LTK: variants seen among roughly 807,000 people sequenced by gnomAD.
LTK encodes the protein leukocyte tyrosine kinase receptor.
A neutral mutation model predicts 101.5 loss-of-function variants in LTK; 117 were observed. The ratio of observed to expected loss-of-function variants is 1.15; its 90% confidence interval spans 0.99 to 1.34. LTK has a LOEUF of 1.34. Ranked by LOEUF, LTK falls within the 40% of genes most tolerant of loss-of-function variation. The probability of loss-of-function intolerance (pLI) is 0.00; values close to 1 mark genes in which losing one functional copy is unlikely to be tolerated. For synonymous variants in LTK, 563 were observed against 494.2 expected (o/e 1.14, Z -1.85); for missense variants, 1,252 against 1,164.7 (o/e 1.07, Z -1.09).
intron 10 of LTK, 58 bp downstream of exon 10, chr15:41,507,504 C>T (rs777905986): frequency 1.6e-5 from 25 of 1,591,814 alleles, no homozygotes; most frequent in Admixed American, 1.4e-4. Flanking sequence ...AGAAACCCAT[C>T]CCAGCTCACT....
rs755053983 is a variant in LTK, at chr15:41,511,495, C to T, written c.741G>A (p.Arg247=). ...CCAGTTTCTCGGGGGAGGCCTGAGT[C>T]CGGCCTCGGTCCCGCGGCCTCAGGT... ...RAYLRPRDRG[R]TQASPEKLEN... The change falls in exon 6 of 20, where the codon CGG becomes CGA. Residue 247 remains arginine (R), a synonymous_variant. Coordinates refer to ENST00000263800, the MANE Select transcript of LTK (RefSeq NM_002344.6). The surrounding 1 kb of genome is among the most constrained non-coding windows in gnomAD (Gnocchi z 5.9). The T allele has an allele frequency of 1.4e-6, 2 of 1,477,110 alleles. No homozygotes were observed. The highest frequency in any genetic ancestry group is 1.8e-6 in the Non-Finnish European group (2 of 1,123,826). 91.5% of individuals were successfully genotyped at this position (1,477,110 alleles called of 1,614,324 possible).
chr15:41,506,145 C>T, intron 11 of LTK, 140 bp from the exon 12 acceptor site: 1 of 602,414 alleles, frequency 1.7e-6, no homozygotes, highest in Non-Finnish European at 3.0e-6. Context: ...CATGGCATGT[C>T]CCCAGGTAGA....
chr15:41,507,794 A>T lies in LTK; in HGVS notation c.1250-137T>A, dbSNP rs545988045. 3 of 944,494 alleles carry T rather than the reference A, an allele frequency of 3.2e-6. No individual in the cohort carries two copies. The East Asian group carries it at 7.9e-5, about 25-fold the overall frequency. 58.5% of individuals were successfully genotyped at this position (944,494 alleles called of 1,614,324 possible). A position where few individuals can be genotyped will look rare whatever the true frequency, so the allele number is the denominator to read the frequency against. On this transcript the variant is annotated intron_variant, in intron 9 of 19. Coordinates refer to ENST00000263800, the MANE Select transcript of LTK (RefSeq NM_002344.6). Reference sequence around the variant, plus strand: ...TCCCCCATTATCCTGGGCAAAAGCAACCTCTCCCTCTTGAACACCCCTAAA... The same window carrying T: ...TCCCCCATTATCCTGGGCAAAAGCATCCTCTCCCTCTTGAACACCCCTAAA...
At position 41,509,206 on chromosome 15, in the gene LTK, T is replaced by C; in HGVS notation, c.998-77A>G. On this transcript the variant is annotated intron_variant, in intron 7 of 19. Coordinates refer to ENST00000263800, the MANE Select transcript of LTK (RefSeq NM_002344.6). Reference sequence around the variant, plus strand: ...AGAAGCTGGAATCTCCCGGTGGAAATCCCAGTGTGGCCCTCTCTTCTCCAG... The same window carrying C: ...AGAAGCTGGAATCTCCCGGTGGAAACCCCAGTGTGGCCCTCTCTTCTCCAG... The C allele has an allele frequency of 1.1e-5, 10 of 879,112 alleles. No homozygotes were observed. In the South Asian group the frequency reaches 1.3e-4, roughly 12 times the overall value. 54.5% of individuals were successfully genotyped at this position (879,112 alleles called of 1,614,324 possible). A position where few individuals can be genotyped will look rare whatever the true frequency, so the allele number is the denominator to read the frequency against.
intron 19 of LTK, 22 bp from the exon 20 acceptor site, chr15:41,504,266 G>GC: frequency 7.5e-6 from 12 of 1,607,946 alleles, no homozygotes; most frequent in Non-Finnish European, 1.0e-5. Context: ...GAGTCAGGGA[G>GC]CAGGGGGGCA....
Position 41,506,677 on chromosome 15 carries a change from G to A in LTK, c.1541+418C>T, listed in dbSNP as rs747352833. Among the ~76,000 whole-genome samples the A allele has an allele frequency of 3.3e-5, 5 of 151,956 alleles. 1 individual carries two copies. Among genetic ancestry groups the A allele is most frequent in the South Asian group, 4.2e-4 (2 of 4,818 alleles). ...GCAATCTCGGCTCACCACAACCTCC[G>A]CCTCCCAGGTTCAAGTGATTCTTCT... On this transcript the variant is annotated intron_variant, in intron 11 of 19. Coordinates refer to ENST00000263800, the MANE Select transcript of LTK (RefSeq NM_002344.6).
chr15:41,513,654 A>G lies in LTK; in HGVS notation c.43+13T>C. On this transcript the variant is annotated intron_variant, in intron 1 of 19. Transcript: ENST00000263800. ...CAGGCTGGACGGTCCCCTGACCGCC[A>G]GATAGCACTTACCCGCGGCTCCGAA... 1.9e-6 allele frequency: 3 copies of G among 1,613,028 alleles called. No homozygotes were observed. The highest frequency in any genetic ancestry group is 2.5e-6 in the Non-Finnish European group (3 of 1,179,660).
In LTK at chr15:41,504,743, TGGGGAAGGGGA is replaced by T. The variant is rs201729483; in HGVS notation, c.2120+19_2120+29del. The T allele has an allele frequency of 8.1e-4, 1,279 of 1,586,950 alleles. 21 individuals carry two copies. In the South Asian group the frequency reaches 0.013, roughly 17 times the overall value. On this transcript the variant is annotated intron_variant, in intron 17 of 19. Transcript: ENST00000263800. ...GATTAGCCTCAGGGGAGGGGAACAG[TGGGGAAGGGGA>T]GGGGAAGGGTGTTATCACCAGGAAT...
rs1180906348 is a variant in LTK, at chr15:41,511,494, TCCGG to T, written c.738_741del (p.Arg247LeufsTer126). ...TCCAGTTTCTCGGGGGAGGCCTGAGTCCGGCCTCGGTCCCGCGGCCTCAGGTAGG... is the reference window on the plus strand; with the variant it reads ...TCCAGTTTCTCGGGGGAGGCCTGAGTCCTCGGTCCCGCGGCCTCAGGTAGG... On this transcript the variant is annotated frameshift_variant, in exon 6 of 20. Transcript: ENST00000263800. LOFTEE classifies it high-confidence loss of function. This position sits in a 1 kb window ranked among gnomAD's most constrained non-coding sequence, Gnocchi z 5.9. The T allele has an allele frequency of 6.8e-7, 1 of 1,473,494 alleles. No homozygotes were observed. Among genetic ancestry groups the T allele is most frequent in the East Asian group, 2.8e-5 (1 of 35,544 alleles). The allele number at this position is 1,473,494 out of a possible 1,614,324, so 91.3% of individuals were successfully genotyped here. A position where few individuals can be genotyped will look rare whatever the true frequency, so the allele number is the denominator to read the frequency against.
chr15:41,506,071 AC>A, intron 11 of LTK, 66 bp from the exon 12 acceptor site: 1 of 993,752 alleles, frequency 1.0e-6, no homozygotes, highest in South Asian at 1.4e-5. Context: ...AGAGTCTAGT[AC>A]CCCCTTTACC....
Position 41,504,418 on chromosome 15 carries a change from G to T in LTK, c.2270C>A (p.Thr757Asn). 6.2e-7 allele frequency: 1 copy of T among 1,614,150 alleles called. No individual in the cohort carries two copies. The highest frequency in any genetic ancestry group is 2.2e-5 in the East Asian group (1 of 44,888). Residue 757 changes from threonine to asparagine, a missense_variant, in exon 19 of 20, where the codon ACC becomes AAC. Physicochemically the swap from Thr to Asn is moderately conservative, Grantham distance 65. Transcript: ENST00000263800. ...GCPGPVYRIM[T>N]QCWQHEPELR... ...CTCAGGCTCGTGCTGCCAACACTGGGTCATGATGCGGTACCTGGGGAGAGG... is the reference window on the plus strand; with the variant it reads ...CTCAGGCTCGTGCTGCCAACACTGGTTCATGATGCGGTACCTGGGGAGAGG...
chr15:41,511,126 C>G lies in LTK; in HGVS notation c.997+38G>C. ...TTAGGTTCTAACATCACCTCACCCT[C>G]GGGCCTGCTCAGCTGCCCTCTCCAA... On this transcript the variant is annotated intron_variant, in intron 7 of 19. Transcript: ENST00000263800. This position sits in a 1 kb window ranked among gnomAD's most constrained non-coding sequence, Gnocchi z 5.9. The G allele has an allele frequency of 2.2e-6, 3 of 1,370,340 alleles. No individual in the cohort carries two copies. The highest frequency in any genetic ancestry group is 2.8e-6 in the Non-Finnish European group (3 of 1,066,526). 84.9% of individuals were successfully genotyped at this position (1,370,340 alleles called of 1,614,324 possible).
chr15:41,511,067 C>T lies in LTK; in HGVS notation c.997+97G>A. The T allele has an allele frequency of 1.6e-6, 2 of 1,273,994 alleles. No homozygotes were observed. The highest frequency in any genetic ancestry group is 9.9e-7 in the Non-Finnish European group (1 of 1,006,570). 78.9% of individuals were successfully genotyped at this position (1,273,994 alleles called of 1,614,324 possible). On this transcript the variant is annotated intron_variant, in intron 7 of 19. Coordinates refer to ENST00000263800, the MANE Select transcript of LTK (RefSeq NM_002344.6). This position sits in a 1 kb window ranked among gnomAD's most constrained non-coding sequence, Gnocchi z 5.9. ...TGCTGAGCAGGGCTTAATGCCTCTC[C>T]CACACCTATCCTCCCGAGGGCTCCG...
Position 41,503,986 on chromosome 15 carries a change from C to T in LTK, c.*10G>A. 10 of 1,587,578 alleles carry T rather than the reference C, an allele frequency of 6.3e-6. No homozygotes were observed. Among genetic ancestry groups the T allele is most frequent in the Non-Finnish European group, 8.6e-6 (10 of 1,167,696 alleles). On this transcript the variant is annotated 3_prime_UTR_variant, in exon 20 of 20. Coordinates refer to ENST00000263800, the MANE Select transcript of LTK (RefSeq NM_002344.6). ...GTGCCTCAGTCCTTACCCTCAGGGC[C>T]CCTTGGGGCTCAGGAGCGATAAGTG...
chr15:41,506,525 G>A (rs752471512), intron 11 of LTK, among the ~76,000 whole-genome samples: 15 of 151,854 alleles, frequency 9.9e-5, no homozygotes, highest in African/African-American at 2.4e-4. Flanking sequence ...GGCTGGTCTC[G>A]AACCCCTGAC....
intron 7 of LTK, among the ~76,000 whole-genome samples, chr15:41,509,331 T>C (rs1487391039): frequency 6.6e-6 from 1 of 152,186 alleles, no homozygotes; most frequent in African/African-American, 2.4e-5. Context: ...CTGGCTGGGA[T>C]GCCTCCTGCC....
chr15:41,504,891 G>A lies in LTK; in HGVS notation c.2019-17C>T. ...TAACTGGCCCTACAGGAGGGAGGAGGTGAATGATGAGTTGTTCACCACCAA... is the reference window on the plus strand; with the variant it reads ...TAACTGGCCCTACAGGAGGGAGGAGATGAATGATGAGTTGTTCACCACCAA... On this transcript the variant is annotated splice_polypyrimidine_tract_variant and intron_variant, in intron 16 of 19. Coordinates refer to ENST00000263800, the MANE Select transcript of LTK (RefSeq NM_002344.6). The A allele has an allele frequency of 1.9e-6, 3 of 1,608,098 alleles. No individual in the cohort carries two copies. Among genetic ancestry groups the A allele is most frequent in the Non-Finnish European group, 2.5e-6 (3 of 1,176,900 alleles).
In LTK at chr15:41,508,908, A is replaced by C. The variant is rs1327841557; in HGVS notation, c.1096+123T>G. The C allele has an allele frequency of 7.7e-6, 5 of 648,528 alleles. No individual in the cohort carries two copies. The African/African-American group carries it at 9.3e-5, about 12-fold the overall frequency. 40.2% of individuals were successfully genotyped at this position (648,528 alleles called of 1,614,324 possible). On this transcript the variant is annotated intron_variant, in intron 8 of 19. Coordinates refer to ENST00000263800, the MANE Select transcript of LTK (RefSeq NM_002344.6). Reference sequence around the variant, plus strand: ...CTTTTCAAATGACCCTATGCTATGCAAGAATCCTGTGCTATGCAAGGTTAT... The same window carrying C: ...CTTTTCAAATGACCCTATGCTATGCCAGAATCCTGTGCTATGCAAGGTTAT...
chr15:41,512,602 G>A lies in LTK; in HGVS notation c.359+105C>T, dbSNP rs530572923. The A allele has an allele frequency of 1.8e-5, 25 of 1,363,770 alleles. 1 individual carries two copies. In the South Asian group the frequency reaches 3.5e-4, roughly 19 times the overall value. The allele number at this position is 1,363,770 out of a possible 1,614,324, so 84.5% of individuals were successfully genotyped here. A position where few individuals can be genotyped will look rare whatever the true frequency, so the allele number is the denominator to read the frequency against. On this transcript the variant is annotated intron_variant, in intron 3 of 19. Transcript: ENST00000263800. ...GGCACTCAAGGTGGACCTCCCCGCGGAATAGTCCAAGACGCAAGTCGGTGC... is the reference window on the plus strand; with the variant it reads ...GGCACTCAAGGTGGACCTCCCCGCGAAATAGTCCAAGACGCAAGTCGGTGC...
Sources: allele counts gnomAD v4.1 joint callset (sites outside exome capture counted in the v4.1 genomes callset), GRCh38; gene constraint gnomAD v4.1.1; non-coding constraint Gnocchi (gnomAD v3.1); transcripts MANE v1.5; gene names NCBI Gene and HGNC (gene_info 2026-07-23, HGNC 2026-07-21).